The following FUT9 variants were observed in gnomAD, a reference collection of about 807,000 sequenced individuals.
The protein encoded by FUT9 is fucosyltransferase 9.
Under a neutral mutation model 29.7 loss-of-function variants are expected in FUT9, and 15 were observed. The ratio of observed to expected loss-of-function variants is 0.51; its 90% CI spans 0.34 to 0.78. The LOEUF is 0.78. FUT9 is among the 30% of genes least tolerant of loss of function. The pLI is 0.01. For synonymous variants in FUT9, 169 were observed against 153.7 expected (o/e 1.10, Z -0.74); for missense variants, 319 against 425.4 (o/e 0.75, Z 2.20).
intron 1 of FUT9, among the ~76,000 whole-genome samples, chr6:96,048,114 T>C (rs560832712): frequency 2.2e-3 from 331 of 152,316 alleles, no homozygotes; most frequent in Non-Finnish European, 3.7e-3. Context: ...CCTTCTTCTA[T>C]AGATACGTTC....
intron 1 of FUT9, among the ~76,000 whole-genome samples, chr6:96,079,108 A>G (rs746490899): frequency 1.3e-5 from 2 of 152,068 alleles, no homozygotes; most frequent in Non-Finnish European, 2.9e-5. Context: ...CCATGTTCAG[A>G]GGCACCATGT....
chr6:96,147,620 T>A (rs1297959604), intron 2 of FUT9, among the ~76,000 whole-genome samples: 1 of 152,040 alleles, frequency 6.6e-6, no homozygotes, highest in Non-Finnish European at 1.5e-5. Flanking sequence ...AAGAGAGAAG[T>A]AAGTCTTCTT....
chr6:96,074,960 C>T (rs1349786775), intron 1 of FUT9, among the ~76,000 whole-genome samples: 1 of 150,936 alleles, frequency 6.6e-6, no homozygotes, highest in Non-Finnish European at 1.5e-5. Flanking sequence ...TTTTTTAATT[C>T]TTTGTAGAGA....
At chr6:96,041,759 T>C (rs1331702267) in intron 1 of FUT9, among the ~76,000 whole-genome samples, 1 of 152,238 alleles carries the variant, frequency 6.6e-6, no homozygotes, top group African/African-American at 2.4e-5. Flanking sequence ...AATCTGTTGA[T>C]ATATCTACAG....
intron 1 of FUT9, among the ~76,000 whole-genome samples, chr6:96,062,561 T>C (rs1770894687): frequency 1.3e-5 from 2 of 152,214 alleles, no homozygotes; most frequent in South Asian, 2.1e-4. Flanking sequence ...TGTGTATCTA[T>C]TGACATTTTT....
chr6:96,080,494 G>A (rs936033763), intron 1 of FUT9, among the ~76,000 whole-genome samples: 1 of 151,886 alleles, frequency 6.6e-6, no homozygotes, highest in African/African-American at 2.4e-5. Context: ...TGTATACTCT[G>A]CCTATTTCAA....
At chr6:96,187,053 T>A (rs1773417371) in intron 2 of FUT9, among the ~76,000 whole-genome samples, 1 of 152,138 alleles carries the variant, frequency 6.6e-6, no homozygotes, top group Non-Finnish European at 1.5e-5. Context: ...AAGAATTTTA[T>A]GTAAACATAA....
At chr6:96,056,469 T>A (rs963284398) in intron 1 of FUT9, among the ~76,000 whole-genome samples, 3 of 152,224 alleles carry the variant, frequency 2.0e-5, no homozygotes, top group African/African-American at 7.2e-5. Flanking sequence ...CTGCTCATGA[T>A]CAATAAAACA....
At chr6:96,053,015 A>C (rs1182837279) in intron 1 of FUT9, among the ~76,000 whole-genome samples, 1 of 152,038 alleles carries the variant, frequency 6.6e-6, no homozygotes, top group Non-Finnish European at 1.5e-5. Flanking sequence ...CACAAAGCCC[A>C]ATCATCACTG....
chr6:96,108,104 CCTT>C (rs1281742579), intron 1 of FUT9, among the ~76,000 whole-genome samples: 1 of 151,884 alleles, frequency 6.6e-6, no homozygotes, highest in Non-Finnish European at 1.5e-5. Context: ...TATTTCCCTC[CCTT>C]CTTCTCATTC....
intron 2 of FUT9, among the ~76,000 whole-genome samples, chr6:96,160,515 G>C (rs374629183): frequency 2.0e-5 from 3 of 152,048 alleles, no homozygotes; most frequent in Non-Finnish European, 4.4e-5. Context: ...ATGCATGAAC[G>C]CTTTTTAAAA....
At chr6:96,169,646 G>A (rs1314758155) in intron 2 of FUT9, among the ~76,000 whole-genome samples, 10 of 151,914 alleles carry the variant, frequency 6.6e-5, no homozygotes, top group Non-Finnish European at 1.3e-4. Flanking sequence ...CGCTCTTTAG[G>A]TTTTTTAAAA....
intron 2 of FUT9, among the ~76,000 whole-genome samples, chr6:96,183,140 G>T (rs1773340283): frequency 1.3e-5 from 2 of 151,922 alleles, no homozygotes; most frequent in African/African-American, 4.8e-5. Flanking sequence ...AGTTTTCCTT[G>T]TAGAGGTATT....
intron 1 of FUT9, among the ~76,000 whole-genome samples, chr6:96,091,285 A>C (rs1375328887): frequency 6.6e-6 from 1 of 152,124 alleles, no homozygotes; most frequent in Non-Finnish European, 1.5e-5. Flanking sequence ...TTAAATACTG[A>C]ATTTGAAATA....
rs777955321 is a variant in FUT9, at chr6:96,033,105, T to C, written c.-98+16893T>C. Among the ~76,000 whole-genome samples, 44 of 151,622 alleles carry C rather than the reference T, an allele frequency of 2.9e-4. 1 individual carries two copies. Among genetic ancestry groups the C allele is most frequent in the Non-Finnish European group, 5.2e-4 (35 of 67,746 alleles). On this transcript the variant is annotated intron_variant, in intron 1 of 2. Coordinates refer to ENST00000302103, the MANE Select transcript of FUT9 (RefSeq NM_006581.4). ...CAATGAGAGTTGAAATTCTGTATAA[T>C]TAATTACACCTTATGCAGATAAAAA...
chr6:96,205,310 G>A lies in FUT9; in HGVS notation c.*1075G>A, dbSNP rs1773808212. On this transcript the variant is annotated 3_prime_UTR_variant, in exon 3 of 3. Transcript: ENST00000302103. Reference sequence around the variant, plus strand: ...AAATATAATAAAGTGGGGATATATAGAAAACACACAGTGTTAGCACACAGT... The same window carrying A: ...AAATATAATAAAGTGGGGATATATAAAAAACACACAGTGTTAGCACACAGT... 6.0e-6 allele frequency: 1 copy of A among 166,872 alleles called. No homozygotes were observed. Among genetic ancestry groups the A allele is most frequent in the African/African-American group, 2.4e-5 (1 of 41,376 alleles). 10.3% of individuals were successfully genotyped at this position (166,872 alleles called of 1,614,324 possible).
At chr6:96,187,170 C>T (rs899381784) in intron 2 of FUT9, among the ~76,000 whole-genome samples, 1 of 152,086 alleles carries the variant, frequency 6.6e-6, no homozygotes, top group Non-Finnish European at 1.5e-5. Flanking sequence ...ATTCTCTATC[C>T]TGCCCTGTAA....
At chr6:96,040,067 T>G (rs1770433321) in intron 1 of FUT9, among the ~76,000 whole-genome samples, 1 of 152,170 alleles carries the variant, frequency 6.6e-6, no homozygotes, top group South Asian at 2.1e-4. Context: ...TAATTTATCA[T>G]ACCATGTATG....
At chr6:96,068,925 T>A (rs1464851055) in intron 1 of FUT9, among the ~76,000 whole-genome samples, 1 of 152,172 alleles carries the variant, frequency 6.6e-6, no homozygotes, top group Non-Finnish European at 1.5e-5. Context: ...GAAACAAGCA[T>A]GTTAAAATCC....
Sources: gnomAD v4.1 joint callset for allele counts (sites outside exome capture counted in the v4.1 genomes callset) on GRCh38, gnomAD v4.1.1 for gene constraint, MANE v1.5 for transcripts, NCBI Gene and HGNC (gene_info 2026-07-23, HGNC 2026-07-21) for gene names.